Variants in CRYBB2 observed in about 807,000 individuals in gnomAD.
CRYBB2 encodes beta-crystallin B2.
In CRYBB2, 12 loss-of-function variants were observed where a neutral mutation model predicts 24.3. The ratio of observed to expected loss-of-function variants is 0.49; its 90% CI spans 0.32 to 0.80. CRYBB2 has a LOEUF of 0.80. CRYBB2 is among the 30% of genes least tolerant of loss of function. The probability of loss-of-function intolerance (pLI) is 0.04; values close to 1 mark genes in which losing one functional copy is unlikely to be tolerated. For missense variants in CRYBB2, 198 were observed against 268.5 expected (o/e 0.74, Z 1.83); for synonymous variants, 98 against 101.6 (o/e 0.96, Z 0.21).
At chr22:25,212,010 A>G (rs1384421574), upstream of CRYBB2, among the ~76,000 whole-genome samples, 2 of 152,214 alleles carry the variant, frequency 1.3e-5, no homozygotes, top group African/African-American at 4.8e-5. Context: ...ACATGGAGAT[A>G]ATAATGCTAC....
At chr22:25,218,706 GGGA>G (rs1569015797), upstream of CRYBB2, among the ~76,000 whole-genome samples, 4 of 37,950 alleles carry the variant, frequency 1.1e-4, no homozygotes, top group Non-Finnish European at 8.5e-5. Flanking sequence ...GAGAGAGAGG[GGGA>G]GAGAGAGAGA....
upstream of CRYBB2, chr22:25,219,603 G>C (rs935451547): frequency 6.6e-6 from 1 of 152,228 alleles, no homozygotes; most frequent in African/African-American, 2.4e-5. Context: ...CACTTCTGGG[G>C]AAGGTATAAA....
At chr22:25,226,313 A>G (rs1030813435) in intron 3 of CRYBB2, among the ~76,000 whole-genome samples, 1 of 152,076 alleles carries the variant, frequency 6.6e-6, no homozygotes. Flanking sequence ...ATAGCATTTT[A>G]TGTTGGTGTT....
chr22:25,227,617 T>C (rs1274163812), intron 3 of CRYBB2, among the ~76,000 whole-genome samples: 1 of 150,172 alleles, frequency 6.7e-6, no homozygotes, highest in Non-Finnish European at 1.5e-5. Flanking sequence ...TTATTTAGAC[T>C]GCCTTCTTAT....
chr22:25,228,947 C>T lies in CRYBB2; in HGVS notation c.307-489C>T, dbSNP rs116180605. 2.0e-3 allele frequency among the ~76,000 whole-genome samples: 299 copies of T among 148,776 alleles called. 1 individual carries two copies. Among genetic ancestry groups the T allele is most frequent in the African/African-American group, 5.9e-3 (237 of 40,322 alleles). On this transcript the variant is annotated intron_variant, in intron 4 of 5. Transcript: ENST00000398215. ...ATGTGTGGGTGTGCACGTGTGTGCG[C>T]GCAAGTGTGTGCGTGTGTCCATGTG...
chr22:25,218,736 GGAGAGAGAGAGAGA>G (rs71191034), upstream of CRYBB2, among the ~76,000 whole-genome samples: 3 of 35,290 alleles, frequency 8.5e-5, no homozygotes, highest in Admixed American at 6.3e-4. Flanking sequence ...GAGAGAGAGG[GGAGAGAGAGAGAGA>G]GAGAGAGAGA....
chr22:25,222,059 T>A (rs1935330925), intron 2 of CRYBB2, among the ~76,000 whole-genome samples: 1 of 152,156 alleles, frequency 6.6e-6, no homozygotes, highest in Non-Finnish European at 1.5e-5. Flanking sequence ...GGCGGCAGGA[T>A]CTTATCCCAA....
intron 4 of CRYBB2, among the ~76,000 whole-genome samples, chr22:25,228,375 A>T (rs905708772): frequency 6.7e-6 from 1 of 148,810 alleles, no homozygotes; most frequent in Non-Finnish European, 1.5e-5. Flanking sequence ...AACTCCCGTC[A>T]TTGCTCAATA....
intron 2 of CRYBB2, among the ~76,000 whole-genome samples, chr22:25,223,723 C>T (rs1347240528): frequency 4.6e-5 from 7 of 152,122 alleles, no homozygotes; most frequent in South Asian, 2.1e-4. Context: ...CTGACCGTGT[C>T]GATTCTGTAG....
chr22:25,218,833 A>AG (rs1569016518), upstream of CRYBB2, among the ~76,000 whole-genome samples: 2 of 114,590 alleles, frequency 1.7e-5, no homozygotes, highest in Non-Finnish European at 3.5e-5. Context: ...AAAGAAAGAA[A>AG]GAAAGAGAAA....
chr22:25,217,279 C>CT (rs1412199355), upstream of CRYBB2, among the ~76,000 whole-genome samples: 1 of 151,816 alleles, frequency 6.6e-6, no homozygotes, highest in African/African-American at 2.4e-5. Context: ...GTTTGTGACA[C>CT]TTTATTACAG....
intron 4 of CRYBB2, among the ~76,000 whole-genome samples, chr22:25,228,785 T>C (rs905823533): frequency 1.6e-4 from 25 of 152,214 alleles, no homozygotes; most frequent in African/African-American, 6.0e-4. Flanking sequence ...AAGGGTTTTA[T>C]GTGTAAAGGA....
chr22:25,213,838 G>C (rs1190396966), intron 1 of CRYBB2, among the ~76,000 whole-genome samples: 1 of 152,082 alleles, frequency 6.6e-6, no homozygotes, highest in Non-Finnish European at 1.5e-5. Flanking sequence ...TGTTGTCTTA[G>C]CGTCTGCTTC....
At chr22:25,218,258 C>CAAAA (rs34191563), upstream of CRYBB2, among the ~76,000 whole-genome samples, 1 of 134,632 alleles carries the variant, frequency 7.4e-6, no homozygotes, top group East Asian at 2.2e-4. Context: ...GACTCCATCT[C>CAAAA]AAAAAAAAAA....
intron 2 of CRYBB2, among the ~76,000 whole-genome samples, chr22:25,224,155 C>CATGA (rs1264164283): frequency 1.3e-5 from 2 of 151,712 alleles, no homozygotes; most frequent in East Asian, 3.9e-4. Flanking sequence ...TCACTGGAAC[C>CATGA]ATGAAAGGTG....
chr22:25,212,107 T>C (rs938363243), upstream of CRYBB2, among the ~76,000 whole-genome samples: 1 of 152,216 alleles, frequency 6.6e-6, no homozygotes, highest in African/African-American at 2.4e-5. Flanking sequence ...GGACGTGCAA[T>C]ATGAGTGTTC....
At chr22:25,218,777 G>GAA (rs35584547), upstream of CRYBB2, among the ~76,000 whole-genome samples, 32 of 26,078 alleles carry the variant, frequency 1.2e-3, no homozygotes, top group East Asian at 0.015. Flanking sequence ...GAGAGAGAGA[G>GAA]AGAAGAAAGA....
chr22:25,230,314 G>C (rs1328472095), intron 5 of CRYBB2, among the ~76,000 whole-genome samples: 1 of 150,158 alleles, frequency 6.7e-6, no homozygotes, highest in Non-Finnish European at 1.5e-5. Flanking sequence ...CCACCACCAA[G>C]CTCAGCTGAT....
chr22:25,218,123 T>G (rs144054147), upstream of CRYBB2, among the ~76,000 whole-genome samples: 12,388 of 150,772 alleles, frequency 0.082, 647 homozygotes, highest in Non-Finnish European at 0.12. Context: ...GCCGGGCGTG[T>G]TGGCGGGCGC....
Sources: gnomAD v4.1 joint callset for allele counts (sites outside exome capture counted in the v4.1 genomes callset) on GRCh38, gnomAD v4.1.1 for gene constraint, MANE v1.5 for transcripts, NCBI Gene and HGNC (gene_info 2026-07-23, HGNC 2026-07-21) for gene names.